Variants in LSAMP observed in about 807,000 individuals in gnomAD.
LSAMP encodes limbic system associated membrane protein, also known as limbic system-associated membrane protein.
LSAMP carries 7 observed loss-of-function variants against 38.6 expected under a neutral mutation model. The ratio of observed to expected loss-of-function variants is 0.18; its 90% CI spans 0.10 to 0.34. The LOEUF (loss-of-function observed/expected upper bound fraction) is 0.34. Ranked by LOEUF, LSAMP falls within the 10% of genes least tolerant of loss-of-function variation. The pLI is 1.00. For synonymous variants in LSAMP, 154 were observed against 166.8 expected, an observed-to-expected ratio of 0.92 and a Z score of 0.59; for missense variants, 313 against 420.0, an observed-to-expected ratio of 0.75 and a Z score of 2.23.
chr3:115,886,655 C>A (rs542957483), intron 3 of LSAMP, among the ~76,000 whole-genome samples: 97 of 151,880 alleles, frequency 6.4e-4, no homozygotes, highest in Non-Finnish European at 1.0e-3. Context: ...CTAATCTAGT[C>A]CTTATCCTTT....
chr3:115,977,180 G>A (rs574103235), intron 3 of LSAMP, among the ~76,000 whole-genome samples: 1 of 152,206 alleles, frequency 6.6e-6, no homozygotes, highest in East Asian at 1.9e-4. Flanking sequence ...CAAGAAGAAT[G>A]GTATTTTACC....
chr3:115,811,533 G>A (rs774503510), intron 6 of LSAMP, among the ~76,000 whole-genome samples: 4 of 151,282 alleles, frequency 2.6e-5, no homozygotes, highest in Non-Finnish European at 5.9e-5. Context: ...TAAAAATTTT[G>A]AGAGTGCGTA....
intron 1 of LSAMP, among the ~76,000 whole-genome samples, chr3:116,321,257 C>T (rs1039526617): frequency 6.6e-6 from 1 of 152,006 alleles, no homozygotes; most frequent in Non-Finnish European, 1.5e-5. Flanking sequence ...CCTGTGGTCC[C>T]AGCTACTTGG....
At chr3:116,442,793 C>A (rs908522022) in intron 1 of LSAMP, among the ~76,000 whole-genome samples, 3 of 152,178 alleles carry the variant, frequency 2.0e-5, no homozygotes, top group Non-Finnish European at 4.4e-5. Context: ...CTCTCAGAGT[C>A]CCTATTTCCA....
At chr3:116,211,270 T>C (rs2107606516) in intron 1 of LSAMP, among the ~76,000 whole-genome samples, 1 of 152,270 alleles carries the variant, frequency 6.6e-6, no homozygotes, top group African/African-American at 2.4e-5. Context: ...GATACCTATT[T>C]TATAATATGA....
intron 1 of LSAMP, among the ~76,000 whole-genome samples, chr3:116,372,982 TACC>T (rs2048449023): frequency 1.3e-5 from 2 of 151,408 alleles, no homozygotes; most frequent in Non-Finnish European, 3.0e-5. Context: ...CCAACACCTG[TACC>T]ATTTTACATT....
intron 1 of LSAMP, among the ~76,000 whole-genome samples, chr3:116,190,662 TTA>T (rs1051679617): frequency 6.6e-6 from 1 of 152,216 alleles, no homozygotes; most frequent in Non-Finnish European, 1.5e-5. Context: ...TTTTCTATTA[TTA>T]TATATGTAAT....
At chr3:116,340,681 A>G (rs1253806822) in intron 1 of LSAMP, among the ~76,000 whole-genome samples, 2 of 152,056 alleles carry the variant, frequency 1.3e-5, no homozygotes, top group Non-Finnish European at 2.9e-5. Flanking sequence ...GCTTCTATCT[A>G]CATATAAAAA....
intron 2 of LSAMP, among the ~76,000 whole-genome samples, chr3:116,083,705 A>T (rs1408599347): frequency 6.6e-6 from 1 of 152,212 alleles, no homozygotes; most frequent in Non-Finnish European, 1.5e-5. Context: ...AGTCTAAAGA[A>T]AGGTGCTGTG....
chr3:116,308,834 G>GT (rs1329903449), intron 1 of LSAMP, among the ~76,000 whole-genome samples: 1 of 152,086 alleles, frequency 6.6e-6, no homozygotes, highest in Non-Finnish European at 1.5e-5. Context: ...AAGAATGCAT[G>GT]TGAGAGCATT....
At chr3:115,828,423 G>T (rs1443999458) in intron 6 of LSAMP, among the ~76,000 whole-genome samples, 8 of 152,126 alleles carry the variant, frequency 5.3e-5, no homozygotes, top group Non-Finnish European at 7.4e-5. Flanking sequence ...TCTGAACCCA[G>T]AACTAAGTTC....
intron 3 of LSAMP, among the ~76,000 whole-genome samples, chr3:115,917,500 T>C (rs1046070287): frequency 4.6e-5 from 7 of 152,354 alleles, no homozygotes; most frequent in African/African-American, 1.7e-4. Context: ...ACTTTTACTT[T>C]TACTTTTTCC....
chr3:115,930,727 C>T (rs567653380), intron 3 of LSAMP, among the ~76,000 whole-genome samples: 19 of 152,190 alleles, frequency 1.2e-4, no homozygotes, highest in Non-Finnish European at 1.5e-4. Flanking sequence ...TGGTCAAATG[C>T]TAACCTTTGC....
At chr3:115,915,779 C>G (rs376234657) in intron 3 of LSAMP, among the ~76,000 whole-genome samples, 1 of 152,118 alleles carries the variant, frequency 6.6e-6, no homozygotes, top group East Asian at 1.9e-4. Flanking sequence ...ACTATAGGCA[C>G]GCACCACCAC....
chr3:115,919,065 A>G (rs1436491984), intron 3 of LSAMP, among the ~76,000 whole-genome samples: 1 of 152,156 alleles, frequency 6.6e-6, no homozygotes, highest in Admixed American at 6.5e-5. Flanking sequence ...AGAAGAGTTG[A>G]TGCTTCTCTA....
At chr3:116,173,901 A>G (rs1341398154) in intron 1 of LSAMP, among the ~76,000 whole-genome samples, 1 of 151,754 alleles carries the variant, frequency 6.6e-6, no homozygotes, top group Admixed American at 6.6e-5. Context: ...GTTATTGGAC[A>G]ATCTATTTCC....
intron 1 of LSAMP, among the ~76,000 whole-genome samples, chr3:116,215,462 G>A (rs2046208530): frequency 6.6e-6 from 1 of 151,990 alleles, no homozygotes. Flanking sequence ...GCTGCAAGAA[G>A]AAGAGAAAGA....
intron 1 of LSAMP, among the ~76,000 whole-genome samples, chr3:116,441,764 T>A (rs1157614772): frequency 1.3e-5 from 2 of 152,116 alleles, no homozygotes; most frequent in Admixed American, 6.6e-5. Flanking sequence ...ACTGAAGTCC[T>A]GCGGATAAGC....
At chr3:115,819,010 C>T (rs1022515187) in intron 6 of LSAMP, among the ~76,000 whole-genome samples, 1 of 150,296 alleles carries the variant, frequency 6.7e-6, no homozygotes, top group Non-Finnish European at 1.5e-5. Context: ...ATTAGCCCAG[C>T]GTGGTGGCAC....
Sources: allele counts gnomAD v4.1 joint callset (sites outside exome capture counted in the v4.1 genomes callset), GRCh38; gene constraint gnomAD v4.1.1; transcripts MANE v1.5; gene names NCBI Gene and HGNC (gene_info 2026-07-23, HGNC 2026-07-21).